The following PRELID2 variants were observed in gnomAD, a reference collection of about 807,000 sequenced individuals.
PRELID2 encodes PRELI domain containing 2, also known as PRELI domain-containing protein 2.
In PRELID2, 25 loss-of-function variants were observed where a neutral mutation model predicts 28.4. That is an observed-to-expected ratio of 0.88 (90% confidence interval 0.64 to 1.23). The LOEUF (loss-of-function observed/expected upper bound fraction) is 1.23. Among genes scored for constraint, PRELID2 ranks in the 50% most tolerant of loss-of-function variants. The probability of loss-of-function intolerance (pLI) is 0.00; values close to 1 mark genes in which losing one functional copy is unlikely to be tolerated. For missense variants in PRELID2, 201 were observed against 214.4 expected, an observed-to-expected ratio of 0.94 and a Z score of 0.39; for synonymous variants, 76 against 71.6, an observed-to-expected ratio of 1.06 and a Z score of -0.31.
chr5:145,733,418 G>A (rs1185892553), intron 1 of PRELID2, among the ~76,000 whole-genome samples: 1 of 152,182 alleles, frequency 6.6e-6, no homozygotes, highest in African/African-American at 2.4e-5. Context: ...ATTGGCAGTT[G>A]GCTGGTTAAT....
rs1163598326 is a variant in PRELID2, at chr5:145,756,468, C to T, written c.*4068G>A. On this transcript the variant is annotated 3_prime_UTR_variant, in exon 7 of 7. Coordinates refer to ENST00000683046, the MANE Select transcript of PRELID2 (RefSeq NM_205846.3). ...CACTTCATCCCACATAAAAATTTGG[C>T]CTGATCATTTTTTGAGTTTTAATCC... is the stretch of plus-strand genomic sequence containing the variant. Among the ~76,000 whole-genome samples, 1 of 152,158 alleles carries T rather than the reference C, an allele frequency of 6.6e-6. No homozygotes were observed. Among genetic ancestry groups the T allele is most frequent in the Non-Finnish European group, 1.5e-5 (1 of 68,026 alleles).
At chr5:145,338,667 C>T in the PRELID2 span, among the ~76,000 whole-genome samples, 1 of 152,192 alleles carries the variant, frequency 6.6e-6, no homozygotes, top group Non-Finnish European at 1.5e-5. Flanking sequence ...GTTGCTACCA[C>T]TTTTTGAGTC....
At chr5:145,398,325 C>T in the PRELID2 span, among the ~76,000 whole-genome samples, 5 of 152,102 alleles carry the variant, frequency 3.3e-5, no homozygotes, top group South Asian at 2.1e-4. Flanking sequence ...TTTAGATGAA[C>T]GTTTCTGAGT....
intron 1 of PRELID2, among the ~76,000 whole-genome samples, chr5:145,577,537 A>G (rs1753071262): frequency 6.6e-6 from 1 of 152,110 alleles, no homozygotes; most frequent in Non-Finnish European, 1.5e-5. Context: ...TAGACAGTTT[A>G]CTTGAAAATA....
chr5:145,767,609 G>C (rs1464659662), intron 5 of PRELID2, among the ~76,000 whole-genome samples: 4 of 152,146 alleles, frequency 2.6e-5, no homozygotes, highest in African/African-American at 9.7e-5. Flanking sequence ...CCCGCACAGA[G>C]TTCTGCTCCT....
intron 1 of PRELID2, among the ~76,000 whole-genome samples, chr5:145,710,930 C>T (rs1031212872): frequency 1.1e-4 from 16 of 152,202 alleles, no homozygotes; most frequent in African/African-American, 3.6e-4. Flanking sequence ...ATGCATTCAG[C>T]TAAGCACACA....
intron 1 of PRELID2, among the ~76,000 whole-genome samples, chr5:145,552,549 G>A (rs1752844882): frequency 1.3e-5 from 2 of 152,030 alleles, no homozygotes; most frequent in Admixed American, 1.3e-4. Flanking sequence ...CAGTTTGAAT[G>A]AGCAAGCCTC....
the PRELID2 span, among the ~76,000 whole-genome samples, chr5:145,366,854 A>G: frequency 1.3e-5 from 2 of 151,894 alleles, no homozygotes; most frequent in African/African-American, 4.8e-5. Context: ...GAAATACTCA[A>G]AAAGTGACAC....
At chr5:145,790,348 A>G (rs1018248314) in intron 5 of PRELID2, among the ~76,000 whole-genome samples, 1 of 152,192 alleles carries the variant, frequency 6.6e-6, no homozygotes, top group Non-Finnish European at 1.5e-5. Flanking sequence ...TTGTGACAAC[A>G]TGGATAAACC....
At chr5:145,827,586 C>A (rs746559847) in intron 1 of PRELID2, among the ~76,000 whole-genome samples, 1 of 152,144 alleles carries the variant, frequency 6.6e-6, no homozygotes, top group Non-Finnish European at 1.5e-5. Flanking sequence ...AGCACATCAG[C>A]CTCTTTCTTT....
the PRELID2 span, among the ~76,000 whole-genome samples, chr5:145,320,374 CAT>C: frequency 6.6e-6 from 1 of 151,922 alleles, no homozygotes; most frequent in Non-Finnish European, 1.5e-5. Context: ...CGCTTCACGC[CAT>C]TCTCCTGCCT....
the PRELID2 span, among the ~76,000 whole-genome samples, chr5:145,272,970 C>T: frequency 1.3e-5 from 2 of 152,022 alleles, no homozygotes; most frequent in South Asian, 2.1e-4. Flanking sequence ...GCACAGAGTG[C>T]GTGGGACAAA....
chr5:145,405,705 T>TC, the PRELID2 span, among the ~76,000 whole-genome samples: 13 of 143,082 alleles, frequency 9.1e-5, no homozygotes, highest in Non-Finnish European at 2.0e-4. Context: ...CATAGTTGTT[T>TC]TTTTTTTTTT....
the PRELID2 span, among the ~76,000 whole-genome samples, chr5:145,419,243 C>G: frequency 6.9e-6 from 1 of 144,576 alleles, no homozygotes; most frequent in Admixed American, 7.2e-5. Flanking sequence ...GGGTATATAC[C>G]CAGTAATGGG....
chr5:145,268,416 T>C, the PRELID2 span, among the ~76,000 whole-genome samples: 1 of 152,098 alleles, frequency 6.6e-6, no homozygotes, highest in South Asian at 2.1e-4. Flanking sequence ...TCACTGTGTG[T>C]TTTTAGCACC....
At position 145,796,487 on chromosome 5, in the gene PRELID2, AAC is replaced by A; in HGVS notation, c.427_428del (p.Val143PhefsTer18). ...AGAATGTGCTGGCAAAAGTTTCTAA[AAC>A]ACAGTTGAGAAATCCAACCCCTGTG... Reference protein sequence around the residue: ...SITGVGFLNCVLETFASTFLR... With the variant: ...SITGVGFLNCXLETFASTFLR... On this transcript the variant is annotated frameshift_variant, in exon 5 of 7. Coordinates refer to ENST00000683046, the MANE Select transcript of PRELID2 (RefSeq NM_205846.3). LOFTEE classifies it high-confidence loss of function. The A allele has an allele frequency of 6.2e-7, 1 of 1,610,830 alleles. No homozygotes were observed. The highest frequency in any genetic ancestry group is 8.5e-7 in the Non-Finnish European group (1 of 1,178,046).
the PRELID2 span, among the ~76,000 whole-genome samples, chr5:145,349,026 T>A: frequency 6.6e-6 from 1 of 152,130 alleles, no homozygotes; most frequent in Non-Finnish European, 1.5e-5. Flanking sequence ...TGGGTGCACA[T>A]AATTACCAAA....
chr5:145,444,051 C>T, the PRELID2 span, among the ~76,000 whole-genome samples: 12 of 152,006 alleles, frequency 7.9e-5, no homozygotes, highest in East Asian at 5.8e-4. Context: ...ATCTTACTGA[C>T]GTCAACATTC....
chr5:145,284,196 A>T, the PRELID2 span, among the ~76,000 whole-genome samples: 142 of 152,366 alleles, frequency 9.3e-4, 3 homozygotes, highest in East Asian at 0.023. Flanking sequence ...CATAGTATGT[A>T]TTCAATGAAT....
Sources: gnomAD v4.1 joint callset for allele counts (sites outside exome capture counted in the v4.1 genomes callset) on GRCh38, gnomAD v4.1.1 for gene constraint, MANE v1.5 for transcripts, NCBI Gene and HGNC (gene_info 2026-07-23, HGNC 2026-07-21) for gene names.